MTERF4: variants seen among roughly 807,000 people sequenced by gnomAD.
The protein encoded by MTERF4 is transcription termination factor 4, mitochondrial.
Under a neutral mutation model 22.5 loss-of-function variants are expected in MTERF4, and 17 were observed. That is an observed-to-expected ratio of 0.75 (90% confidence interval 0.52 to 1.13). The LOEUF (loss-of-function observed/expected upper bound fraction) is 1.13, where lower values mean the gene tolerates loss of function less well. Among genes scored for constraint, MTERF4 ranks in the 50% most tolerant of loss-of-function variants. The pLI is 0.00. For synonymous variants in MTERF4, 165 were observed against 175.3 expected, an observed-to-expected ratio of 0.94 and a Z score of 0.47; for missense variants, 420 against 466.8, an observed-to-expected ratio of 0.90 and a Z score of 0.92.
Position 241,073,509 on chromosome 2 carries a change from G to C in MTERF4, n.2653C>G. 3 of 703,792 alleles carry C rather than the reference G, an allele frequency of 4.3e-6. No homozygotes were observed. Among genetic ancestry groups the C allele is most frequent in the Non-Finnish European group, 7.7e-6 (3 of 389,952 alleles). The allele number at this position is 703,792 out of a possible 1,614,324, so 43.6% of individuals were successfully genotyped here. A position where few individuals can be genotyped will look rare whatever the true frequency, so the allele number is the denominator to read the frequency against. On this transcript the variant is annotated non_coding_transcript_exon_variant, in exon 5 of 5. Coordinates refer to the MTERF4 transcript ENST00000464344. The surrounding 1 kb of genome is among the most constrained non-coding windows in gnomAD (Gnocchi z 6.6). ...GGGGAGGCTGAGCACCAGGCACCCC[G>C]GTGTGGGAAGATGGGGTGAAGCTAC...
At chr2:241,064,606 CT>C in the MTERF4 span, among the ~76,000 whole-genome samples, 1 of 152,216 alleles carries the variant, frequency 6.6e-6, no homozygotes, top group Non-Finnish European at 1.5e-5. The surrounding 1 kb of genome is among the most constrained non-coding windows in gnomAD (Gnocchi z 7.0). Flanking sequence ...GATCCAGTGT[CT>C]CCTCCCCTCA....
downstream of MTERF4, chr2:241,070,037 C>T (rs748931958): frequency 5.0e-6 from 8 of 1,613,036 alleles, no homozygotes; most frequent in Non-Finnish European, 6.8e-6. Context: ...AATGTGACCA[C>T]CAGCCAGAGC....
At chr2:241,071,820 AG>A (rs1469417757), downstream of MTERF4, 1 of 1,603,050 alleles carries the variant, frequency 6.2e-7, no homozygotes, top group African/African-American at 1.3e-5. Flanking sequence ...TGGACGGCAG[AG>A]GAAGAGTGAG....
At chr2:241,088,726 AG>A (rs2063714589), downstream of MTERF4, 12 of 361,908 alleles carry the variant, frequency 3.3e-5, no homozygotes, top group Middle Eastern at 7.2e-4. Flanking sequence ...AGGAAGAGGC[AG>A]GGGGGTGGGC....
At chr2:241,048,264 C>G in the MTERF4 span, 1 of 1,529,366 alleles carries the variant, frequency 6.5e-7, no homozygotes, top group Non-Finnish European at 8.8e-7. Context: ...GGGGAGACCA[C>G]TCTCCCCACA....
At chr2:241,084,083 A>G (rs10168500), downstream of MTERF4, among the ~76,000 whole-genome samples, 23,373 of 150,438 alleles carry the variant, frequency 0.16, 2,485 homozygotes, top group African/African-American at 0.31. Context: ...CCTTAACACA[A>G]TGTACCCTTA....
chr2:241,090,426 T>G, downstream of MTERF4: 1 of 1,547,584 alleles, frequency 6.5e-7, no homozygotes, highest in Non-Finnish European at 8.7e-7. Flanking sequence ...GTTAACTTTT[T>G]TTCATAAGTA....
chr2:241,072,063 A>G (rs550938363), downstream of MTERF4: 287 of 703,320 alleles, frequency 4.1e-4, 1 homozygote, highest in African/African-American at 4.1e-3. Flanking sequence ...ATGCACCTCC[A>G]TGGCAGGAGG....
chr2:241,086,241 A>G (rs925540147), downstream of MTERF4, among the ~76,000 whole-genome samples: 2 of 152,160 alleles, frequency 1.3e-5, no homozygotes, highest in African/African-American at 4.8e-5. Context: ...TCAACTCCTC[A>G]GTAGTTCTTC....
intron 1 of MTERF4, among the ~76,000 whole-genome samples, chr2:241,100,756 A>T (rs552651702): frequency 1.3e-5 from 2 of 152,298 alleles, no homozygotes; most frequent in East Asian, 3.9e-4. Context: ...TTAACTGTTT[A>T]TGTTGTCGGT....
At chr2:241,068,860 C>A, downstream of MTERF4, 1 of 1,311,474 alleles carries the variant, frequency 7.6e-7, no homozygotes, top group Non-Finnish European at 1.1e-6. This position sits in a 1 kb window ranked among gnomAD's most constrained non-coding sequence, Gnocchi z 5.3. Context: ...AGCAGAGTCA[C>A]ACACAGGTCC....
At chr2:241,069,326 C>G (rs1015314316), downstream of MTERF4, among the ~76,000 whole-genome samples, 1 of 152,192 alleles carries the variant, frequency 6.6e-6, no homozygotes, top group East Asian at 1.9e-4. This position sits in a 1 kb window ranked among gnomAD's most constrained non-coding sequence, Gnocchi z 4.9. Context: ...CAGGGATACC[C>G]ATGCTATCCA....
intron 4 of MTERF4, among the ~76,000 whole-genome samples, chr2:241,080,441 G>A (rs13384084): frequency 0.038 from 5,818 of 152,222 alleles, 388 homozygotes; most frequent in African/African-American, 0.13. Flanking sequence ...AATAGGGAGC[G>A]GTGTGAGTGC....
rs114751344 is a variant in MTERF4, at chr2:241,096,105, C to G, written c.1039G>C (p.Asp347His). The G allele has an allele frequency of 3.3e-4, 529 of 1,613,628 alleles. 5 individuals are homozygous for G. In the South Asian group the frequency reaches 3.8e-3, roughly 11 times the overall value. The part of the protein sequence containing the change: ...ASLDEDEDDD[D>H]EEDNDEDDND... Reference sequence around the variant, plus strand: ...TCATCCTCATCATTGTCCTCCTCATCATCGTCATCCTCATCCTCATCCAGA... The same window carrying G: ...TCATCCTCATCATTGTCCTCCTCATGATCGTCATCCTCATCCTCATCCAGA... The change falls in exon 4 of 4, where the codon GAT becomes CAT. Residue 347 changes from aspartate to histidine, a missense_variant. Coordinates refer to ENST00000391980, the MANE Select transcript of MTERF4 (RefSeq NM_182501.4). The surrounding 1 kb of genome is among the most constrained non-coding windows in gnomAD (Gnocchi z 5.1).
chr2:241,049,376 GGTATC>G, the MTERF4 span, among the ~76,000 whole-genome samples: 1 of 152,148 alleles, frequency 6.6e-6, no homozygotes, highest in African/African-American at 2.4e-5. Context: ...AACACCATGT[GGTATC>G]TTACCTAAGC....
chr2:241,096,823 A>G lies in MTERF4; in HGVS notation c.706-385T>C. On this transcript the variant is annotated intron_variant, in intron 3 of 3. Transcript: ENST00000391980. This position sits in a 1 kb window ranked among gnomAD's most constrained non-coding sequence, Gnocchi z 5.1. ...ATAATTATTACCAAAAAATCGGACA[A>G]CTGTTAAAATTACATTTTCAAAATC... 1.9e-6 allele frequency: 1 copy of G among 534,576 alleles called. No individual in the cohort carries two copies. Among genetic ancestry groups the G allele is most frequent in the South Asian group, 2.1e-5 (1 of 47,900 alleles). The allele number at this position is 534,576 out of a possible 1,614,324, so 33.1% of individuals were successfully genotyped here.
downstream of MTERF4, chr2:241,082,484 G>T (rs1452577268): frequency 5.7e-6 from 4 of 704,206 alleles, no homozygotes; most frequent in Non-Finnish European, 9.7e-6. Context: ...GTCACAGAAG[G>T]GACTTGCTTT....
downstream of MTERF4, chr2:241,087,519 C>G (rs2063643487): frequency 6.4e-7 from 1 of 1,566,076 alleles, no homozygotes; most frequent in African/African-American, 1.4e-5. Flanking sequence ...GCATGTAGCC[C>G]ACAGGGTGAT....
chr2:241,090,563 G>C (rs1193268364), downstream of MTERF4: 1 of 1,235,592 alleles, frequency 8.1e-7, no homozygotes, highest in East Asian at 2.6e-5. Context: ...ACACAGGGCA[G>C]TGCAGTAGGT....
Sources: allele counts gnomAD v4.1 joint callset (sites outside exome capture counted in the v4.1 genomes callset), GRCh38; gene constraint gnomAD v4.1.1; non-coding constraint Gnocchi (gnomAD v3.1); transcripts MANE v1.5; gene names NCBI Gene and HGNC (gene_info 2026-07-23, HGNC 2026-07-21).